NOL4L: variants seen among roughly 807,000 people sequenced by gnomAD.
NOL4L encodes nucleolar protein 4-like.
Under a neutral mutation model 64.5 loss-of-function variants are expected in NOL4L, and 7 were observed. The ratio of observed to expected loss-of-function variants is 0.11; its 90% CI spans 0.06 to 0.20. The LOEUF (loss-of-function observed/expected upper bound fraction) is 0.20. Among genes scored for constraint, NOL4L ranks in the 10% least tolerant of loss-of-function variants. The pLI is 1.00. For synonymous variants in NOL4L, 413 were observed against 401.0 expected (o/e 1.03, Z -0.36); for missense variants, 680 against 967.1 (o/e 0.70, Z 3.94).
rs57444583 is a variant in NOL4L at position 32,485,058 on chromosome 20, CAAAAAAAAAAA to C, written c.700-10327_700-10317del. Among the ~76,000 whole-genome samples the C allele has an allele frequency of 3.4e-3, 60 of 17,816 alleles. 2 individuals carry two copies. The highest frequency in any genetic ancestry group is 0.016 in the East Asian group (6 of 374). The allele number at this position is 17,816 out of a possible 152,430, so 11.7% of individuals were successfully genotyped here. A position where few individuals can be genotyped will look rare whatever the true frequency, so the allele number is the denominator to read the frequency against. ...TCGTGGAATTCTGTGGGGAAATTGC[CAAAAAAAAAAA>C]AAAAAAAAAAAAAAAAAACAACTAA... On this transcript the variant is annotated intron_variant, in intron 4 of 10. Coordinates refer to ENST00000621426, the MANE Select transcript of NOL4L (RefSeq NM_001256798.2).
intron 1 of NOL4L, among the ~76,000 whole-genome samples, chr20:32,566,077 G>A (rs1023688228): frequency 6.6e-6 from 1 of 152,146 alleles, no homozygotes; most frequent in Non-Finnish European, 1.5e-5. Context: ...AACATTTACT[G>A]AGAAGCTCCT....
chr20:32,549,753 A>AAAAT (rs957332377), intron 1 of NOL4L, among the ~76,000 whole-genome samples: 20 of 152,308 alleles, frequency 1.3e-4, no homozygotes, highest in Middle Eastern at 3.4e-3. Context: ...CTCAGTCTCA[A>AAAAT]AAATAAATAA....
chr20:32,534,822 C>T lies in NOL4L; in HGVS notation c.322-6909G>A, dbSNP rs1264605512. 2.0e-5 allele frequency among the ~76,000 whole-genome samples: 3 copies of T among 148,758 alleles called. No individual in the cohort carries two copies. The Admixed American group carries it at 2.0e-4, about 10-fold the overall frequency. On this transcript the variant is annotated intron_variant, in intron 1 of 10. Coordinates refer to ENST00000621426, the MANE Select transcript of NOL4L (RefSeq NM_001256798.2). ...CTTGAGCCTGGGGAGGTGTAGGCTG[C>T]AGTGAGTCATGACCGTACCACTAAA...
At chr20:32,553,885 T>C (rs1310403063) in intron 1 of NOL4L, among the ~76,000 whole-genome samples, 1 of 152,182 alleles carries the variant, frequency 6.6e-6, no homozygotes, top group Non-Finnish European at 1.5e-5. Context: ...CGTGCCTGGA[T>C]GGGTTCCTTA....
At chr20:32,481,521 G>GTC (rs954233017) in intron 4 of NOL4L, among the ~76,000 whole-genome samples, 1 of 151,614 alleles carries the variant, frequency 6.6e-6, no homozygotes, top group Admixed American at 6.6e-5. Flanking sequence ...CCCCAAAGGC[G>GTC]TCTTCTCAGC....
chr20:32,480,772 T>C (rs1307186129), intron 4 of NOL4L, among the ~76,000 whole-genome samples: 1 of 152,184 alleles, frequency 6.6e-6, no homozygotes, highest in Non-Finnish European at 1.5e-5. Context: ...CAAATCCTTG[T>C]TGTGAAGGAG....
chr20:32,535,943 C>T, intron 1 of NOL4L: 2 of 985,596 alleles, frequency 2.0e-6, no homozygotes, highest in South Asian at 4.7e-5. Context: ...TCTGGCCTGG[C>T]GGGGGCAGGG....
At chr20:32,498,029 G>C (rs746622544) in intron 4 of NOL4L, among the ~76,000 whole-genome samples, 1 of 152,214 alleles carries the variant, frequency 6.6e-6, no homozygotes, top group Non-Finnish European at 1.5e-5. Context: ...AAGTTGAAAG[G>C]CCACCTTGGC....
intron 4 of NOL4L, among the ~76,000 whole-genome samples, chr20:32,497,421 C>CT (rs2016738041): frequency 6.6e-6 from 1 of 152,172 alleles, no homozygotes; most frequent in Admixed American, 6.5e-5. Flanking sequence ...GCCTGAGTTT[C>CT]AGTGCCTTAA....
At chr20:32,454,843 G>A (rs1233681705) in intron 6 of NOL4L, among the ~76,000 whole-genome samples, 1 of 152,214 alleles carries the variant, frequency 6.6e-6, no homozygotes, top group East Asian at 1.9e-4. Flanking sequence ...CAGCCCGGAA[G>A]GGAACAGCAC....
At position 32,552,651 on chromosome 20, in the gene NOL4L, C is replaced by T. The variant is rs192486699; in HGVS notation, c.322-24738G>A. On this transcript the variant is annotated intron_variant, in intron 1 of 10. Transcript: ENST00000621426. ...GCAGTGAGCCAAGATCATGCCACTG[C>T]ACTCCAGCCTGGGCGACAAGAGAGA... is the stretch of plus-strand genomic sequence containing the variant. Among the ~76,000 whole-genome samples the T allele has an allele frequency of 7.5e-4, 114 of 152,096 alleles. No individual in the cohort carries two copies. In the Middle Eastern group the frequency reaches 0.017, roughly 23 times the overall value.
intron 2 of NOL4L, among the ~76,000 whole-genome samples, chr20:32,523,752 C>T (rs947991374): frequency 6.6e-6 from 1 of 152,218 alleles, no homozygotes; most frequent in African/African-American, 2.4e-5. Flanking sequence ...TGCCTTGCTC[C>T]CCGGGCCTCC....
intron 1 of NOL4L, chr20:32,536,286 C>A: frequency 2.0e-6 from 2 of 985,362 alleles, no homozygotes; most frequent in Non-Finnish European, 2.4e-6. Context: ...CAGCCAGGCC[C>A]CGCGGGCGGG....
intron 4 of NOL4L, among the ~76,000 whole-genome samples, chr20:32,487,937 T>TCA (rs1555796300): frequency 3.9e-5 from 5 of 129,692 alleles, no homozygotes; most frequent in Non-Finnish European, 4.7e-5. Flanking sequence ...TGGTTTTATT[T>TCA]TTTTTTTTTT....
At chr20:32,566,987 A>C (rs138068941) in intron 1 of NOL4L, among the ~76,000 whole-genome samples, 83 of 152,312 alleles carry the variant, frequency 5.4e-4, no homozygotes, top group Middle Eastern at 3.4e-3. Context: ...CCAGAGAGGA[A>C]AGCTGGTGGG....
chr20:32,518,556 A>G (rs1568680339), intron 3 of NOL4L, among the ~76,000 whole-genome samples: 1 of 152,204 alleles, frequency 6.6e-6, no homozygotes, highest in South Asian at 2.1e-4. Flanking sequence ...GTGTGGCAGG[A>G]GAGGGGAGCG....
At chr20:32,462,430 G>T (rs2145450912) in intron 5 of NOL4L, among the ~76,000 whole-genome samples, 1 of 152,296 alleles carries the variant, frequency 6.6e-6, no homozygotes, top group East Asian at 1.9e-4. Context: ...CACAGGAGGG[G>T]GTGGTGCCCA....
intron 10 of NOL4L, chr20:32,450,492 C>T (rs911374382): frequency 6.6e-6 from 1 of 152,276 alleles, no homozygotes; most frequent in African/African-American, 2.4e-5. Context: ...AGATGGGAGA[C>T]TGAGACCCCA....
intron 1 of NOL4L, among the ~76,000 whole-genome samples, chr20:32,550,420 T>C (rs1424815571): frequency 3.3e-5 from 5 of 152,174 alleles, no homozygotes; most frequent in Non-Finnish European, 5.9e-5. Context: ...TCTAAACATA[T>C]CTAAGCATAC....
Sources: gnomAD v4.1 joint callset for allele counts (sites outside exome capture counted in the v4.1 genomes callset) on GRCh38, gnomAD v4.1.1 for gene constraint, MANE v1.5 for transcripts, NCBI Gene and HGNC (gene_info 2026-07-23, HGNC 2026-07-21) for gene names.